BABAM2: variants seen among roughly 807,000 people sequenced by gnomAD.
BABAM2 encodes the protein BRISC and BRCA1 A complex member 2, also known as BRISC and BRCA1-A complex member 2.
Under a neutral mutation model 54.7 loss-of-function variants are expected in BABAM2, and 31 were observed. The observed-to-expected ratio is 0.57, with a 90% CI of 0.43 to 0.77. BABAM2 has a LOEUF of 0.77. Among genes scored for constraint, BABAM2 ranks in the 30% least tolerant of loss-of-function variants. BABAM2 has a pLI of 0.00. For synonymous variants in BABAM2, 167 were observed against 162.9 expected, an observed-to-expected ratio of 1.03 and a Z score of -0.19; for missense variants, 364 against 455.8, an observed-to-expected ratio of 0.80 and a Z score of 1.83.
intron 7 of BABAM2, among the ~76,000 whole-genome samples, chr2:28,175,171 A>T (rs75033316): frequency 6.6e-6 from 1 of 152,076 alleles, no homozygotes; most frequent in Non-Finnish European, 1.5e-5. Context: ...TTAGGAACCG[A>T]AGCTTATGCT....
At chr2:27,988,497 G>A (rs1672559948) in intron 4 of BABAM2, among the ~76,000 whole-genome samples, 1 of 152,132 alleles carries the variant, frequency 6.6e-6, no homozygotes, top group African/African-American at 2.4e-5. Flanking sequence ...ATATAGAAGT[G>A]AAAGTGGCAA....
chr2:28,094,865 G>A (rs1372325895), intron 6 of BABAM2, among the ~76,000 whole-genome samples: 2 of 148,006 alleles, frequency 1.4e-5, no homozygotes, highest in South Asian at 2.1e-4. Flanking sequence ...ACTTAACAAT[G>A]CATCTTGGCA....
At chr2:28,211,718 T>G (rs1039391643) in intron 7 of BABAM2, among the ~76,000 whole-genome samples, 2 of 152,180 alleles carry the variant, frequency 1.3e-5, no homozygotes, top group African/African-American at 2.4e-5. Flanking sequence ...TCCTTTCTTT[T>G]TCTTTGGAAG....
At chr2:28,026,833 A>AATATATATTT (rs1553414423) in intron 5 of BABAM2, among the ~76,000 whole-genome samples, 2 of 38,196 alleles carry the variant, frequency 5.2e-5, no homozygotes, top group Admixed American at 3.7e-4. Context: ...TATATATATA[A>AATATATATTT]ATATATATAA....
At position 28,183,744 on chromosome 2, in the gene BABAM2, C is replaced by CACACACACAT. The variant is rs1278154509; in HGVS notation, c.681-53449_681-53448insTACACACACA. Among the ~76,000 whole-genome samples the CACACACACAT allele has an allele frequency of 2.7e-3, 405 of 149,242 alleles. 1 individual carries two copies. Among genetic ancestry groups the CACACACACAT allele is most frequent in the Admixed American group, 4.8e-3 (72 of 15,066 alleles). Reference sequence around the variant, plus strand: ...ATGTTACTTTTGGATGAAGATCACACACACACACACACACACACACACACA... The same window carrying CACACACACAT: ...ATGTTACTTTTGGATGAAGATCACACACACACACATACACACACACACACACACACACACA... On this transcript the variant is annotated intron_variant, in intron 7 of 11. Coordinates refer to ENST00000379624, the MANE Select transcript of BABAM2 (RefSeq NM_199191.3).
intron 6 of BABAM2, among the ~76,000 whole-genome samples, chr2:28,125,544 C>T (rs375529622): frequency 1.3e-5 from 2 of 152,146 alleles, no homozygotes; most frequent in Non-Finnish European, 2.9e-5. Context: ...CCACCCACCT[C>T]GGCCTCCCAA....
chr2:28,220,575 T>G (rs1273755410), intron 7 of BABAM2, among the ~76,000 whole-genome samples: 1 of 151,602 alleles, frequency 6.6e-6, no homozygotes. Context: ...GTCTCTCGTA[T>G]TACAAAAGTA....
chr2:27,919,085 T>C (rs1438314756), intron 2 of BABAM2, among the ~76,000 whole-genome samples: 1 of 152,222 alleles, frequency 6.6e-6, no homozygotes, highest in Non-Finnish European at 1.5e-5. Context: ...ATAGAGATCT[T>C]GCACATCTAT....
chr2:28,196,422 ACT>A (rs894312639), intron 7 of BABAM2, among the ~76,000 whole-genome samples: 1 of 151,946 alleles, frequency 6.6e-6, no homozygotes, highest in Non-Finnish European at 1.5e-5. Context: ...GGAACCAAGG[ACT>A]CTGGTTAAAG....
At chr2:28,101,954 AC>A (rs1393773796) in intron 6 of BABAM2, among the ~76,000 whole-genome samples, 3 of 152,164 alleles carry the variant, frequency 2.0e-5, no homozygotes, top group African/African-American at 4.8e-5. Context: ...TAGAACTTGA[AC>A]CACTGCAGTA....
At position 28,241,400 on chromosome 2, in the gene BABAM2, T is replaced by G; in HGVS notation, c.851+7T>G. On this transcript the variant is annotated splice_region_variant and intron_variant, in intron 9 of 11. Transcript: ENST00000379624. ...TTCTCAGTCACTTTGGCACGTAAGT[T>G]CTGCCCTGTTTGAACGATATACCGG... 16 of 1,613,206 alleles carry G rather than the reference T, an allele frequency of 9.9e-6. No individual in the cohort carries two copies. Among genetic ancestry groups the G allele is most frequent in the Non-Finnish European group, 1.1e-5 (13 of 1,179,170 alleles).
intron 11 of BABAM2, among the ~76,000 whole-genome samples, chr2:28,323,336 C>T (rs1690187401): frequency 1.3e-5 from 2 of 152,036 alleles, no homozygotes; most frequent in Admixed American, 1.3e-4. Context: ...GGCTCAGACC[C>T]GTGCAGCACC....
At chr2:28,216,768 T>G (rs1679953725) in intron 7 of BABAM2, among the ~76,000 whole-genome samples, 2 of 152,192 alleles carry the variant, frequency 1.3e-5, no homozygotes, top group South Asian at 4.1e-4. Flanking sequence ...CTATCGTGGA[T>G]GTAGAATAAA....
intron 6 of BABAM2, among the ~76,000 whole-genome samples, chr2:28,076,473 T>TTAG (rs1553312161): frequency 9.6e-5 from 14 of 146,268 alleles, no homozygotes; most frequent in Non-Finnish European, 1.5e-4. Context: ...TATTTATTTA[T>TTAG]TTATTTATTT....
At chr2:28,170,344 T>C (rs76471914) in intron 7 of BABAM2, among the ~76,000 whole-genome samples, 2,213 of 152,152 alleles carry the variant, frequency 0.015, 54 homozygotes, top group African/African-American at 0.05. Context: ...TTCTCTTTGC[T>C]TTGTCTACTT....
At chr2:28,179,207 G>GTTTTT (rs1675353137) in intron 7 of BABAM2, among the ~76,000 whole-genome samples, 2 of 152,024 alleles carry the variant, frequency 1.3e-5, no homozygotes, top group Non-Finnish European at 2.9e-5. Flanking sequence ...GCAGGCTAGT[G>GTTTTT]ATGAACACAG....
intron 2 of BABAM2, among the ~76,000 whole-genome samples, chr2:27,910,714 G>A (rs972000770): frequency 1.3e-5 from 2 of 152,080 alleles, no homozygotes; most frequent in Non-Finnish European, 2.9e-5. Flanking sequence ...TTTGTTCAGC[G>A]TTATGTTTGT....
At chr2:28,127,740 T>C (rs1161779598) in intron 6 of BABAM2, among the ~76,000 whole-genome samples, 1 of 150,762 alleles carries the variant, frequency 6.6e-6, no homozygotes, top group Non-Finnish European at 1.5e-5. Flanking sequence ...AAAGAAGGGG[T>C]GGCATGACAG....
intron 3 of BABAM2, among the ~76,000 whole-genome samples, chr2:27,961,768 C>A (rs1573272171): frequency 6.7e-6 from 1 of 148,444 alleles, no homozygotes; most frequent in Admixed American, 6.7e-5. Context: ...CACTCTGTCA[C>A]CCAGGCTGGA....
Sources: allele counts gnomAD v4.1 joint callset (sites outside exome capture counted in the v4.1 genomes callset), GRCh38; gene constraint gnomAD v4.1.1; transcripts MANE v1.5; gene names NCBI Gene and HGNC (gene_info 2026-07-23, HGNC 2026-07-21).